KIF17: variants seen among roughly 807,000 people sequenced by gnomAD.
KIF17 encodes kinesin-like protein KIF17.
Under a neutral mutation model 96.8 loss-of-function variants are expected in KIF17, and 80 were observed. The observed-to-expected ratio is 0.83, with a 90% CI of 0.69 to 1.00. The LOEUF (loss-of-function observed/expected upper bound fraction) is 1.00. Ranked by LOEUF, KIF17 falls within the 50% of genes least tolerant of loss-of-function variation. The pLI, the probability that KIF17 is intolerant of heterozygous loss-of-function variation, is 0.00. For missense variants in KIF17, 1,280 were observed against 1,372.9 expected (o/e 0.93, Z 1.07); for synonymous variants, 567 against 587.5 (o/e 0.97, Z 0.51).
At position 20,704,523 on chromosome 1, in the gene KIF17, C is replaced by G. The variant is rs752447121; in HGVS notation, c.1047G>C (p.Leu349=). Residue 349 remains leucine (L), a synonymous_variant, in exon 5 of 15, where the codon CTG becomes CTC. Coordinates refer to ENST00000400463, the MANE Select transcript of KIF17 (RefSeq NM_001122819.3). This position sits in a 1 kb window ranked among gnomAD's most constrained non-coding sequence, Gnocchi z 6.8. The part of the protein sequence containing the change: ...PRINEDPKDA[L]LREYQEEIKK... ...TGATCTCCTCCTGGTACTCGCGAAG[C>G]AGCGCATCCTTGGGGTCCTCATTGA... 1 of 1,614,250 alleles carries G rather than the reference C, an allele frequency of 6.2e-7. No homozygotes were observed. The highest frequency in any genetic ancestry group is 8.5e-7 in the Non-Finnish European group (1 of 1,180,044).
At position 20,709,910 on chromosome 1, in the gene KIF17, G is replaced by T; in HGVS notation, c.481-82C>A. The T allele has an allele frequency of 7.2e-7, 1 of 1,384,550 alleles. No homozygotes were observed. The highest frequency in any genetic ancestry group is 1.0e-6 in the Non-Finnish European group (1 of 997,416). 85.8% of individuals were successfully genotyped at this position (1,384,550 alleles called of 1,614,324 possible). On this transcript the variant is annotated intron_variant, in intron 3 of 14. Transcript: ENST00000400463. The surrounding 1 kb of genome is among the most constrained non-coding windows in gnomAD (Gnocchi z 4.7). Reference sequence around the variant, plus strand: ...GGGATGGTCAAGGAACCAGAGAGAAGGGCCCCATCCAGACCGCCCTCGCCC... The same window carrying T: ...GGGATGGTCAAGGAACCAGAGAGAATGGCCCCATCCAGACCGCCCTCGCCC...
chr1:20,663,427 C>G (rs940823328), downstream of KIF17, among the ~76,000 whole-genome samples: 1 of 152,112 alleles, frequency 6.6e-6, no homozygotes, highest in Admixed American at 6.6e-5. Context: ...AGGAGGAGGA[C>G]TAACACAGAG....
At chr1:20,683,217 C>A (rs2053864364) in intron 10 of KIF17, among the ~76,000 whole-genome samples, 1 of 152,216 alleles carries the variant, frequency 6.6e-6, no homozygotes, top group African/African-American at 2.4e-5. Flanking sequence ...AGGCCACTGG[C>A]ATGATGAGAA....
chr1:20,717,357 G>A (rs2054595865), intron 1 of KIF17, 119 bp downstream of exon 1: 2 of 1,140,072 alleles, frequency 1.8e-6, no homozygotes, highest in South Asian at 1.4e-5. Flanking sequence ...ACCTGTTCCC[G>A]TCCGCCTGCG....
chr1:20,684,524 G>T (rs896835528), intron 10 of KIF17, among the ~76,000 whole-genome samples: 6 of 152,234 alleles, frequency 3.9e-5, no homozygotes, highest in African/African-American at 1.4e-4. Context: ...AGGCCAGGGG[G>T]CTGGGGGCTT....
At position 20,712,582 on chromosome 1, in the gene KIF17, C is replaced by CTA. The variant is rs1239565052; in HGVS notation, c.480+870_480+871dup. ...ATATTATATATATAGATAATATTATCTATATATATATCTATATATATCTAT... is the reference window on the plus strand; with the variant it reads ...ATATTATATATATAGATAATATTATCTATATATATATATCTATATATATCTAT... On this transcript the variant is annotated intron_variant, in intron 3 of 14. Coordinates refer to ENST00000400463, the MANE Select transcript of KIF17 (RefSeq NM_001122819.3). Among the ~76,000 whole-genome samples the CTA allele has an allele frequency of 3.1e-4, 11 of 35,318 alleles. 2 individuals carry two copies. In the East Asian group the frequency reaches 3.1e-3, roughly 10 times the overall value. 23.2% of individuals were successfully genotyped at this position (35,318 alleles called of 152,430 possible).
downstream of KIF17, among the ~76,000 whole-genome samples, chr1:20,663,529 G>A (rs1477056783): frequency 6.6e-6 from 1 of 152,202 alleles, no homozygotes; most frequent in Non-Finnish European, 1.5e-5. Flanking sequence ...TCACAGATGA[G>A]GCTCAGAGTG....
rs147429225 is a variant in KIF17, at chr1:20,682,713, G to C, written c.2403C>G (p.Tyr801Ter). ...CCCGCACTTCCTCCTGGATGGAGTCGTAGACGTTAAGCAGCACCCAGTCCC... is the reference window on the plus strand; with the variant it reads ...CCCGCACTTCCTCCTGGATGGAGTCCTAGACGTTAAGCAGCACCCAGTCCC... Reference protein sequence around the residue: ...DSGDWVLLNVYDSIQEEVRAK... With the variant: ...DSGDWVLLNV Residue 801 changes from tyrosine to a stop codon, truncating the protein, a stop_gained, in exon 11 of 15, where the codon TAC (tyrosine) becomes TAG (stop). Transcript: ENST00000400463. LOFTEE classifies it high-confidence loss of function. 1 of 1,613,826 alleles carries C rather than the reference G, an allele frequency of 6.2e-7. No individual in the cohort carries two copies. The highest frequency in any genetic ancestry group is 8.5e-7 in the Non-Finnish European group (1 of 1,180,030).
At chr1:20,693,061 C>G (rs1194430869) in intron 6 of KIF17, 1 of 152,232 alleles carries the variant, frequency 6.6e-6, no homozygotes, top group Non-Finnish European at 1.5e-5. Flanking sequence ...CATGAGCCAT[C>G]ACGCCTGGCC....
intron 1 of KIF17, among the ~76,000 whole-genome samples, chr1:20,716,967 C>A (rs553090128): frequency 6.6e-6 from 1 of 152,274 alleles, no homozygotes; most frequent in East Asian, 1.9e-4. Context: ...GGCATCTATG[C>A]CCGGTTCCAC....
At chr1:20,663,062 T>C (rs2053463859), downstream of KIF17, among the ~76,000 whole-genome samples, 1 of 152,104 alleles carries the variant, frequency 6.6e-6, no homozygotes, top group East Asian at 1.9e-4. Context: ...ACCGCATCTC[T>C]AATACAAAAA....
intron 14 of KIF17, 134 bp downstream of exon 14, chr1:20,666,080 T>A: frequency 1.3e-6 from 1 of 776,894 alleles, no homozygotes; most frequent in Non-Finnish European, 2.3e-6. Context: ...ACCCCCCTCA[T>A]TTTGTAGCTA....
chr1:20,671,614 C>T (rs1031675139), intron 12 of KIF17, among the ~76,000 whole-genome samples: 1 of 152,140 alleles, frequency 6.6e-6, no homozygotes, highest in Non-Finnish European at 1.5e-5. Context: ...GGATTACAGG[C>T]GTGAGCCACC....
rs2154536099 is a variant in KIF17, at chr1:20,687,616, C to T, written c.1710G>A (p.Glu570=). ...SNVEVSMPTE[E]SRSRYFLDEC... ...CATCCAGGAAGTATCTGCTCCTGGACTCCTCAGTGGGCATGGAGACCTCCA... is the reference window on the plus strand; with the variant it reads ...CATCCAGGAAGTATCTGCTCCTGGATTCCTCAGTGGGCATGGAGACCTCCA... The change falls in exon 8 of 15, where the codon GAG becomes GAA. Residue 570 remains glutamate (E), a synonymous_variant. Coordinates refer to ENST00000400463, the MANE Select transcript of KIF17 (RefSeq NM_001122819.3). The surrounding 1 kb of genome is among the most constrained non-coding windows in gnomAD (Gnocchi z 4.4). 1.2e-6 allele frequency: 2 copies of T among 1,614,170 alleles called. No individual in the cohort carries two copies. The highest frequency in any genetic ancestry group is 2.2e-5 in the East Asian group (1 of 44,880).
chr1:20,666,735 A>C (rs1018766474), intron 13 of KIF17, among the ~76,000 whole-genome samples: 2 of 152,206 alleles, frequency 1.3e-5, no homozygotes, highest in Non-Finnish European at 2.9e-5. Context: ...TCACAGGTAC[A>C]TTTGTGATCA....
rs772578787 is a variant in KIF17 at position 20,672,586 on chromosome 1, G to A, written c.2464-390C>T. ...AGAAGTCCCCACATCCAACACCACC[G>A]TTCTAAAGGATATCAGAGAATTGCA... On this transcript the variant is annotated intron_variant, in intron 11 of 14. Transcript: ENST00000400463. The surrounding 1 kb of genome is among the most constrained non-coding windows in gnomAD (Gnocchi z 4.3). Among the ~76,000 whole-genome samples, 14 of 152,234 alleles carry A rather than the reference G, an allele frequency of 9.2e-5. No individual in the cohort carries two copies. The highest frequency in any genetic ancestry group is 3.3e-4 in the Admixed American group (5 of 15,290).
chr1:20,661,686 T>A (rs1481521626), downstream of KIF17: 1 of 414,654 alleles, frequency 2.4e-6, no homozygotes, highest in Non-Finnish European at 4.4e-6. Context: ...TCCCGCCCCC[T>A]AGTCTGGAGC....
At chr1:20,696,125 C>T (rs1187700311) in intron 6 of KIF17, among the ~76,000 whole-genome samples, 1 of 152,176 alleles carries the variant, frequency 6.6e-6, no homozygotes, top group African/African-American at 2.4e-5. Context: ...GATGGACTTG[C>T]AGAAGGCTGG....
chr1:20,685,357 A>G lies in KIF17; in HGVS notation c.2020-337T>C, dbSNP rs892977963. On this transcript the variant is annotated intron_variant, in intron 9 of 14. Transcript: ENST00000400463. This position sits in a 1 kb window ranked among gnomAD's most constrained non-coding sequence, Gnocchi z 4.1. ...TGTGACTTCCCGTCACGTTCGCAGGAAAGTCCACTTTCCTCCCTGCCGGCT... is the reference window on the plus strand; with the variant it reads ...TGTGACTTCCCGTCACGTTCGCAGGGAAGTCCACTTTCCTCCCTGCCGGCT... 1.9e-5 allele frequency: 9 copies of G among 469,900 alleles called. No homozygotes were observed. Among genetic ancestry groups the G allele is most frequent in the Middle Eastern group, 5.4e-4 (1 of 1,856 alleles). 29.1% of individuals were successfully genotyped at this position (469,900 alleles called of 1,614,324 possible).
Sources: gnomAD v4.1 joint callset for allele counts (sites outside exome capture counted in the v4.1 genomes callset) on GRCh38, gnomAD v4.1.1 for gene constraint, Gnocchi (gnomAD v3.1) non-coding constraint, MANE v1.5 for transcripts, NCBI Gene and HGNC (gene_info 2026-07-23, HGNC 2026-07-21) for gene names.